The following SYNE2 variants were observed in gnomAD, a reference collection of about 807,000 sequenced individuals.
SYNE2 encodes the protein spectrin repeat containing nuclear envelope protein 2.
A neutral mutation model predicts 856.3 loss-of-function variants in SYNE2; 431 were observed. The ratio of observed to expected loss-of-function variants is 0.50; its 90% CI spans 0.47 to 0.55. The LOEUF (loss-of-function observed/expected upper bound fraction) is 0.55. SYNE2 is among the 20% of genes least tolerant of loss of function. The probability of loss-of-function intolerance (pLI) is 0.00; values close to 1 mark genes in which losing one functional copy is unlikely to be tolerated. For synonymous variants in SYNE2, 2,923 were observed against 2,872.3 expected, an observed-to-expected ratio of 1.02 and a Z score of -0.56; for missense variants, 8,129 against 8,023.2, an observed-to-expected ratio of 1.01 and a Z score of -0.50.
intron 31 of SYNE2, among the ~76,000 whole-genome samples, chr14:64,007,827 A>G (rs1038612506): frequency 1.3e-5 from 2 of 152,274 alleles, no homozygotes; most frequent in Admixed American, 1.3e-4. Context: ...CCTGGCCAAC[A>G]TGGCAAAACC....
At chr14:64,033,704 A>C (rs2097060690) in intron 45 of SYNE2, among the ~76,000 whole-genome samples, 1 of 152,122 alleles carries the variant, frequency 6.6e-6, no homozygotes. Context: ...AGAAAAAAAA[A>C]GGTTTAAAAA....
intron 99 of SYNE2, among the ~76,000 whole-genome samples, chr14:64,197,957 A>G (rs17179271): frequency 0.05 from 7,638 of 152,334 alleles, 270 homozygotes; most frequent in Non-Finnish European, 0.075. Context: ...GCTCTTAGGC[A>G]TAATTCTTTT....
intron 1 of SYNE2, among the ~76,000 whole-genome samples, chr14:63,778,539 G>A (rs868158790): frequency 1.8e-4 from 28 of 151,582 alleles, no homozygotes; most frequent in Middle Eastern, 6.8e-3. Flanking sequence ...TCCTGAGACC[G>A]GGTCTTACTC....
chr14:64,194,153 A>G (rs535822279), intron 99 of SYNE2, among the ~76,000 whole-genome samples: 1 of 152,178 alleles, frequency 6.6e-6, no homozygotes, highest in Non-Finnish European at 1.5e-5. Flanking sequence ...AGCACTATAT[A>G]TATGTTTGGT....
Position 64,053,448 on chromosome 14 carries a change from A to C in SYNE2, c.9535A>C (p.Asn3179His), listed in dbSNP as rs747161566. The C allele has an allele frequency of 8.1e-6, 13 of 1,613,364 alleles. No homozygotes were observed. The highest frequency in any genetic ancestry group is 1.3e-5 in the African/African-American group (1 of 74,886). The change falls in exon 48 of 116, where the codon AAT becomes CAT. Residue 3179 changes from asparagine (N) to histidine (H), a missense_variant. Transcript: ENST00000555002. ...KSQLQQPLLI[N>H]LEIKHIQNEK... The stretch of plus-strand genomic sequence containing the variant: ...TCAATTACAGCAGCCATTACTTATA[A>C]ATTTGGAAATTAAACATATTCAAAA...
At position 64,098,831 on chromosome 14, in the gene SYNE2, A is replaced by G. The variant is rs1179504575; in HGVS notation, c.12381+10A>G. ...TTCCGTGAAGAGCGATGTAAGGGAA[A>G]TGATTTTCTTGTTAAAGTTTGTTAG... On this transcript the variant is annotated intron_variant, in intron 63 of 115. Transcript: ENST00000555002. 1 of 1,613,710 alleles carries G rather than the reference A, an allele frequency of 6.2e-7. No individual in the cohort carries two copies. The highest frequency in any genetic ancestry group is 8.5e-7 in the Non-Finnish European group (1 of 1,179,828).
intron 12 of SYNE2, 139 bp from the exon 13 acceptor site, chr14:63,977,765 AC>A: frequency 1.5e-6 from 1 of 677,454 alleles, no homozygotes; most frequent in South Asian, 1.5e-5. Flanking sequence ...GTGTCTTAAA[AC>A]AATAAAAAAA....
chr14:64,224,679 G>A (rs1434061955), intron 114 of SYNE2, 132 bp downstream of exon 114: 1 of 1,002,552 alleles, frequency 1.0e-6, no homozygotes, highest in Non-Finnish European at 1.5e-6. Context: ...CCCATAGAGA[G>A]GCTTACAGTC....
At chr14:63,932,488 C>T (rs8011351) in intron 2 of SYNE2, among the ~76,000 whole-genome samples, 21,453 of 152,044 alleles carry the variant, frequency 0.14, 2,073 homozygotes, top group African/African-American at 0.27. Flanking sequence ...GGGTGGATCG[C>T]CTGAGCCCAG....
At chr14:64,011,103 C>G (rs1334427202) in intron 32 of SYNE2, among the ~76,000 whole-genome samples, 1 of 151,236 alleles carries the variant, frequency 6.6e-6, no homozygotes. Flanking sequence ...CAATTTAGTC[C>G]TTATCTAGAA....
chr14:63,898,653 C>G (rs535568745), intron 1 of SYNE2, among the ~76,000 whole-genome samples: 1 of 152,156 alleles, frequency 6.6e-6, no homozygotes, highest in Non-Finnish European at 1.5e-5. Context: ...GATTCGCCCA[C>G]CTTGGCCTCC....
chr14:63,796,810 C>A (rs1887931467), intron 1 of SYNE2, among the ~76,000 whole-genome samples: 1 of 151,768 alleles, frequency 6.6e-6, no homozygotes, highest in African/African-American at 2.4e-5. Context: ...CATAGCGAGA[C>A]CCATTTTAAA....
At chr14:64,124,324 T>G (rs923861282) in intron 70 of SYNE2, among the ~76,000 whole-genome samples, 6 of 151,998 alleles carry the variant, frequency 3.9e-5, no homozygotes, top group Non-Finnish European at 8.8e-5. Context: ...TCCGAGTAGC[T>G]AGGACTACAG....
At position 64,093,463 on chromosome 14, in the gene SYNE2, A is replaced by G; in HGVS notation, c.12091A>G (p.Lys4031Glu). 1 of 1,614,168 alleles carries G rather than the reference A, an allele frequency of 6.2e-7. No homozygotes were observed. The highest frequency in any genetic ancestry group is 8.5e-7 in the Non-Finnish European group (1 of 1,180,014). ...ACATATGTCACCAGACCAAGCTGAC[A>G]AGCTGCCACAACTACAGGTATGTTT... Reference protein sequence around the residue: ...LEHMSPDQADKLPQLQGEIER... With the variant: ...LEHMSPDQADELPQLQGEIER... The change falls in exon 61 of 116, where the codon AAG becomes GAG. Residue 4031 changes from lysine (K) to glutamate (E), a missense_variant. By Grantham distance (56) the Lys-to-Glu change is moderately conservative. Transcript: ENST00000555002.
At position 64,083,370 on chromosome 14, in the gene SYNE2, CT is replaced by C. The variant is rs767380961; in HGVS notation, c.11484+1801del. ...ACCAAGACAAGAGAGAGGAATGATG[CT>C]TTTTTTTTTTCCTTCAAATGCTTAT... On this transcript the variant is annotated intron_variant, in intron 57 of 115. Transcript: ENST00000555002. Among the ~76,000 whole-genome samples the C allele has an allele frequency of 4.2e-3, 591 of 141,974 alleles. 2 individuals are homozygous for C. The highest frequency in any genetic ancestry group is 0.012 in the African/African-American group (469 of 38,774). 93.1% of individuals were successfully genotyped at this position (141,974 alleles called of 152,430 possible).
chr14:63,953,941 T>C (rs953042950), intron 7 of SYNE2, among the ~76,000 whole-genome samples: 1 of 152,060 alleles, frequency 6.6e-6, no homozygotes, highest in Non-Finnish European at 1.5e-5. Flanking sequence ...TTTGAGGCAG[T>C]CTCATTCTGT....
At chr14:63,829,648 C>G (rs1044913804) in intron 1 of SYNE2, among the ~76,000 whole-genome samples, 1 of 152,028 alleles carries the variant, frequency 6.6e-6, no homozygotes, top group African/African-American at 2.4e-5. Context: ...ACAGCTCTTG[C>G]TCTGTTGCCC....
At chr14:63,876,266 A>AT (rs2094715065) in intron 1 of SYNE2, among the ~76,000 whole-genome samples, 1 of 149,744 alleles carries the variant, frequency 6.7e-6, no homozygotes. Context: ...AAAAAAAAAA[A>AT]GTTAGCGGGG....
At chr14:63,848,728 A>G (rs1890310998), upstream of SYNE2, among the ~76,000 whole-genome samples, 1 of 152,234 alleles carries the variant, frequency 6.6e-6, no homozygotes, top group Non-Finnish European at 1.5e-5. Flanking sequence ...GACCTATTCA[A>G]TAAAGTGCTT....
Sources: gnomAD v4.1 joint callset for allele counts (sites outside exome capture counted in the v4.1 genomes callset) on GRCh38, gnomAD v4.1.1 for gene constraint, MANE v1.5 for transcripts, NCBI Gene and HGNC (gene_info 2026-07-23, HGNC 2026-07-21) for gene names.